The following SLC22A11 variants were observed in gnomAD, a reference collection of about 807,000 sequenced individuals.
SLC22A11 encodes the protein solute carrier family 22 member 11, also known as organic anion transporter 4.
A neutral mutation model predicts 49.4 loss-of-function variants in SLC22A11; 42 were observed. The observed-to-expected ratio is 0.85, with a 90% confidence interval of 0.66 to 1.10. SLC22A11 has a LOEUF of 1.10. Ranked by LOEUF, SLC22A11 falls within the 50% of genes least tolerant of loss-of-function variation. SLC22A11 has a pLI of 0.00. For missense variants in SLC22A11, 685 were observed against 731.6 expected (o/e 0.94, Z 0.74); for synonymous variants, 304 against 315.8 (o/e 0.96, Z 0.40).
At chr11:64,569,097 C>G (rs536740047) in intron 8 of SLC22A11, among the ~76,000 whole-genome samples, 78 of 152,326 alleles carry the variant, frequency 5.1e-4, no homozygotes, top group African/African-American at 1.8e-3. Flanking sequence ...CCCACCACTC[C>G]TTCCCTGCCC....
At position 64,556,120 on chromosome 11, in the gene SLC22A11, T is replaced by C; in HGVS notation, c.121T>C (p.Ser41Pro). ...IPSQMLLENFSAAIPGHRCWT... is the reference protein window; with the variant it reads ...IPSQMLLENFPAAIPGHRCWT... ...TTCCCAGATGCTCCTGGAGAACTTC[T>C]CAGCCGCCATCCCAGGCCACCGATG... Residue 41 changes from serine to proline, a missense_variant, in exon 1 of 10, where the codon TCA becomes CCA. Transcript: ENST00000301891. 1.2e-6 allele frequency: 2 copies of C among 1,614,160 alleles called. No individual in the cohort carries two copies. Among genetic ancestry groups the C allele is most frequent in the Non-Finnish European group, 1.7e-6 (2 of 1,180,024 alleles).
intron 9 of SLC22A11, 108 bp downstream of exon 9, chr11:64,569,966 T>C: frequency 1.1e-6 from 1 of 942,872 alleles, no homozygotes; most frequent in Non-Finnish European, 1.6e-6. Flanking sequence ...AAGGCCTGTG[T>C]TTCTGAAACC....
At position 64,559,257 on chromosome 11, in the gene SLC22A11, C is replaced by G; in HGVS notation, c.497+19C>G. On this transcript the variant is annotated intron_variant, in intron 2 of 9. Coordinates refer to ENST00000301891, the MANE Select transcript of SLC22A11 (RefSeq NM_018484.4). ...CCTACCGGTGAGTGCCTCCGCTCCT[C>G]CCAGCCCCCAGCTCCCTCAAAACAT... The G allele has an allele frequency of 6.6e-7, 1 of 1,507,034 alleles. No homozygotes were observed. The highest frequency in any genetic ancestry group is 1.4e-5 in the African/African-American group (1 of 70,884). The allele number at this position is 1,507,034 out of a possible 1,614,324, so 93.4% of individuals were successfully genotyped here.
rs754900140 is a variant in SLC22A11 at position 64,556,101 on chromosome 11, G to T, written c.102G>T (p.Gln34His). 6.2e-7 allele frequency: 1 copy of T among 1,614,036 alleles called. No homozygotes were observed. ...FILPCLMIPS[Q>H]MLLENFSAAI... is the part of the protein sequence containing the mutation. ...TCCCCTGCCTCATGATACCTTCCCA[G>T]ATGCTCCTGGAGAACTTCTCAGCCG... The change falls in exon 1 of 10, where the codon CAG (glutamine) becomes CAT (histidine). Residue 34 changes from glutamine to histidine, a missense_variant. By Grantham distance (24) the Gln-to-His change is conservative (BLOSUM62 0). Coordinates refer to ENST00000301891, the MANE Select transcript of SLC22A11 (RefSeq NM_018484.4).
At chr11:64,559,006 G>T (rs1240476649) in intron 1 of SLC22A11, 129 bp from the exon 2 acceptor site, 11 of 763,642 alleles carry the variant, frequency 1.4e-5, no homozygotes, top group Admixed American at 5.7e-5. Flanking sequence ...TGGCCAGCAG[G>T]TCCTCTCTAC....
rs889485078 is a variant in SLC22A11 at position 64,556,056 on chromosome 11, G to A, written c.57G>A (p.Leu19=). The A allele has an allele frequency of 3.1e-5, 50 of 1,613,698 alleles. No homozygotes were observed. Among genetic ancestry groups the A allele is most frequent in the Non-Finnish European group, 4.1e-5 (48 of 1,180,056 alleles). ...GAGGCGTGGGCCTCTTCCAGACCCTGCAGGTGCTCACCTTCATCCTCCCCT... is the reference window on the plus strand; with the variant it reads ...GAGGCGTGGGCCTCTTCCAGACCCTACAGGTGCTCACCTTCATCCTCCCCT... The part of the protein sequence containing the change: ...QAGGVGLFQT[L]QVLTFILPCL... Residue 19 remains leucine (L), a synonymous_variant, in exon 1 of 10, where the codon CTG becomes CTA. Transcript: ENST00000301891.
chr11:64,557,885 C>G (rs2038485924), intron 1 of SLC22A11, among the ~76,000 whole-genome samples: 1 of 151,622 alleles, frequency 6.6e-6, no homozygotes, highest in South Asian at 2.1e-4. Context: ...GCAACCTCCA[C>G]CTTCTGGGTC....
At chr11:64,558,355 G>A (rs1023984900) in intron 1 of SLC22A11, among the ~76,000 whole-genome samples, 6 of 152,256 alleles carry the variant, frequency 3.9e-5, no homozygotes, top group African/African-American at 1.4e-4. Context: ...GAGAAGCTCT[G>A]TGGGGGGATG....
chr11:64,559,247 C>G lies in SLC22A11; in HGVS notation c.497+9C>G, dbSNP rs878907225. On this transcript the variant is annotated intron_variant, in intron 2 of 9. Coordinates refer to ENST00000301891, the MANE Select transcript of SLC22A11 (RefSeq NM_018484.4). ...GGCCTCCTCTCCTACCGGTGAGTGC[C>G]TCCGCTCCTCCCAGCCCCCAGCTCC... 1.9e-6 allele frequency: 3 copies of G among 1,563,032 alleles called. No homozygotes were observed. Among genetic ancestry groups the G allele is most frequent in the Non-Finnish European group, 2.6e-6 (3 of 1,150,442 alleles).
At position 64,562,338 on chromosome 11, in the gene SLC22A11, C is replaced by T; in HGVS notation, c.724C>T (p.Gln242Ter). 1.2e-6 allele frequency: 2 copies of T among 1,611,482 alleles called. No individual in the cohort carries two copies. Among genetic ancestry groups the T allele is most frequent in the Non-Finnish European group, 1.7e-6 (2 of 1,178,904 alleles). Residue 242 changes from glutamine (Q) to a stop codon, truncating the protein, a stop_gained, in exon 4 of 10, where the codon CAG becomes TAG. Transcript: ENST00000301891. LOFTEE classifies it high-confidence loss of function. The surrounding 1 kb of genome is among the most constrained non-coding windows in gnomAD (Gnocchi z 4.4). ...GGTGGGATGTGCCTTCAGCGCAGGC[C>T]AGGCGGCGCTGGGCGGCCTGGCCTT... ...TVVGCAFSAGQAALGGLAFAL... is the reference protein window; with the variant it reads ...TVVGCAFSAG
chr11:64,568,609 C>T, intron 7 of SLC22A11, 61 bp from the exon 8 acceptor site: 1 of 1,424,712 alleles, frequency 7.0e-7, no homozygotes, highest in South Asian at 1.2e-5. Context: ...TGGCCGCACA[C>T]TGACTAGCCC....
intron 2 of SLC22A11, 77 bp downstream of exon 2, chr11:64,559,315 T>C: frequency 8.4e-7 from 1 of 1,190,842 alleles, no homozygotes. Flanking sequence ...GGTTCAGAAA[T>C]GTCAGGCAAA....
Position 64,557,958 on chromosome 11 carries a change from C to T in SLC22A11, c.394-1177C>T, listed in dbSNP as rs571078345. 1.8e-4 allele frequency among the ~76,000 whole-genome samples: 28 copies of T among 152,148 alleles called. No individual in the cohort carries two copies. The South Asian group carries it at 5.0e-3, about 27-fold the overall frequency. ...AATTACAGGCATGCACAACCACTCC[C>T]GGCTAATTTTTGTATTTTTAGTAGA... On this transcript the variant is annotated intron_variant, in intron 1 of 9. Transcript: ENST00000301891.
intron 7 of SLC22A11, among the ~76,000 whole-genome samples, chr11:64,568,286 T>C (rs538947083): frequency 6.6e-6 from 1 of 152,182 alleles, no homozygotes; most frequent in African/African-American, 2.4e-5. Context: ...GCTTCTGCCA[T>C]CCCCACACAG....
rs1348638796 is a variant in SLC22A11 at position 64,564,603 on chromosome 11, C to T, written c.942+175C>T. ...ACCACCTCCACACAGACACCACCAC[C>T]ACCACCACCAATCCCGATACCATCA... On this transcript the variant is annotated intron_variant, in intron 5 of 9. Coordinates refer to ENST00000301891, the MANE Select transcript of SLC22A11 (RefSeq NM_018484.4). The surrounding 1 kb of genome is among the most constrained non-coding windows in gnomAD (Gnocchi z 4.2). 1.3e-5 allele frequency among the ~76,000 whole-genome samples: 2 copies of T among 151,904 alleles called. No homozygotes were observed. Among genetic ancestry groups the T allele is most frequent in the Non-Finnish European group, 2.9e-5 (2 of 67,982 alleles).
chr11:64,561,228 G>C (rs1020019899), intron 2 of SLC22A11, among the ~76,000 whole-genome samples: 1 of 152,232 alleles, frequency 6.6e-6, no homozygotes, highest in Non-Finnish European at 1.5e-5. Context: ...CAGCGCACAG[G>C]TGAGAGCAGT....
intron 8 of SLC22A11, 74 bp downstream of exon 8, chr11:64,568,852 G>A: frequency 7.2e-7 from 1 of 1,385,006 alleles, no homozygotes. Flanking sequence ...GGAAAGAAGG[G>A]TCTGGCAGCC....
Position 64,567,636 on chromosome 11 carries a change from G to C in SLC22A11, c.1096G>C (p.Asp366His). The C allele has an allele frequency of 6.2e-7, 1 of 1,614,050 alleles. No individual in the cohort carries two copies. Among genetic ancestry groups the C allele is most frequent in the South Asian group, 1.1e-5 (1 of 91,070 alleles). ...GATCTCCTACTATGGGCTGGTCTTC[G>C]ACCTGCAGAGCCTGGGCCGTGACAT... ...LLISYYGLVF[D>H]LQSLGRDIFL... The change falls in exon 7 of 10, where the codon GAC becomes CAC. Residue 366 changes from aspartate to histidine, a missense_variant. Physicochemically the swap from Asp to His is moderately conservative, Grantham distance 81. Transcript: ENST00000301891.
rs1367965926 is a variant in SLC22A11 at position 64,565,595 on chromosome 11, C to T, written c.1058+258C>T. 1 of 556,972 alleles carries T rather than the reference C, an allele frequency of 1.8e-6. No individual in the cohort carries two copies. Among genetic ancestry groups the T allele is most frequent in the South Asian group, 1.5e-5 (1 of 65,236 alleles). The allele number at this position is 556,972 out of a possible 1,614,324, so 34.5% of individuals were successfully genotyped here. ...GAAAAGGCAGCTCTAGGCTGGGGGT[C>T]CCAGGGTCCCAGGGAGGTCCCAAGA... On this transcript the variant is annotated intron_variant, in intron 6 of 9. Coordinates refer to ENST00000301891, the MANE Select transcript of SLC22A11 (RefSeq NM_018484.4). This position sits in a 1 kb window ranked among gnomAD's most constrained non-coding sequence, Gnocchi z 4.1.
Sources: gnomAD v4.1 joint callset for allele counts (sites outside exome capture counted in the v4.1 genomes callset) on GRCh38, gnomAD v4.1.1 for gene constraint, Gnocchi (gnomAD v3.1) non-coding constraint, MANE v1.5 for transcripts, NCBI Gene and HGNC (gene_info 2026-07-23, HGNC 2026-07-21) for gene names.